RCAN1: variants seen among roughly 807,000 people sequenced by gnomAD.
The protein encoded by RCAN1 is regulator of calcineurin 1.
In RCAN1, 11 loss-of-function variants were observed where a neutral mutation model predicts 22.9. The ratio of observed to expected loss-of-function variants is 0.48; its 90% confidence interval spans 0.30 to 0.79. The LOEUF is 0.79. Ranked by LOEUF, RCAN1 falls within the 30% of genes least tolerant of loss-of-function variation. The pLI, the probability that RCAN1 is intolerant of heterozygous loss-of-function variation, is 0.06. For synonymous variants in RCAN1, 136 were observed against 142.3 expected (o/e 0.96, Z 0.32); for missense variants, 291 against 337.8 (o/e 0.86, Z 1.09).
chr21:34,578,995 A>G (rs560043447), intron 1 of RCAN1, among the ~76,000 whole-genome samples: 5 of 152,104 alleles, frequency 3.3e-5, no homozygotes, highest in Non-Finnish European at 7.4e-5. Flanking sequence ...ACAAACAAAA[A>G]CAAGCCAACA....
chr21:34,561,308 G>A (rs1045304263), intron 1 of RCAN1, among the ~76,000 whole-genome samples: 1 of 152,094 alleles, frequency 6.6e-6, no homozygotes, highest in Non-Finnish European at 1.5e-5. Flanking sequence ...GTAAATACGG[G>A]ATAAAAGTTC....
At chr21:34,520,857 G>A (rs574669205) in intron 3 of RCAN1, among the ~76,000 whole-genome samples, 4 of 152,262 alleles carry the variant, frequency 2.6e-5, no homozygotes, top group Admixed American at 2.6e-4. Flanking sequence ...ACCAGTTAAG[G>A]CCCACATTTT....
At chr21:34,581,566 C>T (rs776109623) in intron 1 of RCAN1, among the ~76,000 whole-genome samples, 1 of 152,122 alleles carries the variant, frequency 6.6e-6, no homozygotes, top group African/African-American at 2.4e-5. Flanking sequence ...CCCTGCTCCA[C>T]GTCTCTGGTT....
chr21:34,524,982 G>T, intron 1 of RCAN1: 2 of 1,496,602 alleles, frequency 1.3e-6, no homozygotes, highest in Non-Finnish European at 1.8e-6. Flanking sequence ...AAAACACTTA[G>T]GACAGTTTGT....
At chr21:34,555,151 T>C (rs1250370837) in intron 1 of RCAN1, among the ~76,000 whole-genome samples, 1 of 152,166 alleles carries the variant, frequency 6.6e-6, no homozygotes, top group African/African-American at 2.4e-5. Flanking sequence ...ACAGTTTCAC[T>C]GGGGACCTAT....
intron 1 of RCAN1, among the ~76,000 whole-genome samples, chr21:34,535,379 G>A (rs1164633278): frequency 6.0e-5 from 9 of 150,706 alleles, no homozygotes; most frequent in Admixed American, 6.6e-5. Flanking sequence ...ACAGGGAAGT[G>A]GTATAAAGCA....
In RCAN1 at chr21:34,614,591, C is replaced by A. The variant is rs968621257; in HGVS notation, c.252+169G>T. 5.0e-6 allele frequency: 5 copies of A among 1,002,150 alleles called. No individual in the cohort carries two copies. The highest frequency in any genetic ancestry group is 6.1e-6 in the Non-Finnish European group (5 of 813,254). 62.1% of individuals were successfully genotyped at this position (1,002,150 alleles called of 1,614,324 possible). On this transcript the variant is annotated intron_variant, in intron 1 of 3. Coordinates refer to ENST00000313806, the MANE Select transcript of RCAN1 (RefSeq NM_004414.7). This position sits in a 1 kb window ranked among gnomAD's most constrained non-coding sequence, Gnocchi z 6.0. Reference sequence around the variant, plus strand: ...TGCTAGGGGACCGGGACCCTCGGGGCGCCGTCCCCACGCCCCAGCCCTGAC... The same window carrying A: ...TGCTAGGGGACCGGGACCCTCGGGGAGCCGTCCCCACGCCCCAGCCCTGAC...
At chr21:34,558,188 C>T (rs1208415851) in intron 1 of RCAN1, among the ~76,000 whole-genome samples, 1 of 152,178 alleles carries the variant, frequency 6.6e-6, no homozygotes, top group Admixed American at 6.5e-5. Flanking sequence ...TTCTCCCTCT[C>T]GAACTCCGAG....
chr21:34,519,397 C>CTTTTTTTTTTTT (rs34152667), intron 3 of RCAN1, among the ~76,000 whole-genome samples: 20 of 102,782 alleles, frequency 1.9e-4, no homozygotes, highest in African/African-American at 3.0e-4. Flanking sequence ...TTCTTTCTTT[C>CTTTTTTTTTTTT]TTTTTTTTTT....
intron 1 of RCAN1, among the ~76,000 whole-genome samples, chr21:34,575,040 G>C (rs917846710): frequency 1.3e-5 from 2 of 152,214 alleles, no homozygotes; most frequent in East Asian, 1.9e-4. Context: ...AGAAGAAATG[G>C]GAGGAAACTC....
At chr21:34,525,087 C>T (rs1359469039) in intron 1 of RCAN1, 4 of 1,550,338 alleles carry the variant, frequency 2.6e-6, no homozygotes, top group Admixed American at 3.9e-5. Flanking sequence ...TCACTGAGGA[C>T]CTTGGAGAAC....
At position 34,530,824 on chromosome 21, in the gene RCAN1, C is replaced by T. The variant is rs2123602430; in HGVS notation, c.253-7114G>A. 3.3e-5 allele frequency among the ~76,000 whole-genome samples: 5 copies of T among 152,068 alleles called. 1 individual carries two copies. ...ATTTTTAGTAGAGATGGGGTTTCAC[C>T]ATGTTGGTCAGGCTGGTCTCAAACT... On this transcript the variant is annotated intron_variant, in intron 1 of 3. Transcript: ENST00000313806.
At chr21:34,596,529 T>C (rs1010451248) in intron 1 of RCAN1, among the ~76,000 whole-genome samples, 1 of 152,124 alleles carries the variant, frequency 6.6e-6, no homozygotes, top group Admixed American at 6.5e-5. Flanking sequence ...TCTCGAAGGC[T>C]CTGCTTTCTA....
rs1216800492 is a variant in RCAN1 at position 34,614,564 on chromosome 21, G to A, written c.252+196C>T. ...TGCAGTGAGCTCCGCGCGCCCCGGG[G>A]GTGCTAGGGGACCGGGACCCTCGGG... On this transcript the variant is annotated intron_variant, in intron 1 of 3. Transcript: ENST00000313806. This position sits in a 1 kb window ranked among gnomAD's most constrained non-coding sequence, Gnocchi z 6.0. 3.0e-6 allele frequency: 3 copies of A among 993,350 alleles called. No individual in the cohort carries two copies. Among genetic ancestry groups the A allele is most frequent in the Non-Finnish European group, 3.7e-6 (3 of 810,916 alleles). 61.5% of individuals were successfully genotyped at this position (993,350 alleles called of 1,614,324 possible).
intron 1 of RCAN1, among the ~76,000 whole-genome samples, chr21:34,534,391 A>T (rs60084578): frequency 0.24 from 36,378 of 151,602 alleles, 5,056 homozygotes; most frequent in African/African-American, 0.38. Flanking sequence ...GTTCTTTCCC[A>T]CCTGTAACCT....
At chr21:34,533,015 C>A (rs1341439211) in intron 1 of RCAN1, among the ~76,000 whole-genome samples, 2 of 150,148 alleles carry the variant, frequency 1.3e-5, no homozygotes, top group South Asian at 2.1e-4. Flanking sequence ...GGCTGGAGTG[C>A]AGTGGCACTA....
At chr21:34,563,051 C>T (rs1447087092) in intron 1 of RCAN1, among the ~76,000 whole-genome samples, 1 of 152,190 alleles carries the variant, frequency 6.6e-6, no homozygotes, top group Non-Finnish European at 1.5e-5. Context: ...TCCACACGCA[C>T]ACCATTGCCA....
chr21:34,594,043 A>C (rs1383527946), intron 1 of RCAN1, among the ~76,000 whole-genome samples: 6 of 152,240 alleles, frequency 3.9e-5, no homozygotes, highest in Non-Finnish European at 7.3e-5. Flanking sequence ...GAAAGGGGAC[A>C]AAAATGTTAC....
intron 1 of RCAN1, among the ~76,000 whole-genome samples, chr21:34,527,696 T>C (rs1204818037): frequency 6.6e-6 from 1 of 152,216 alleles, no homozygotes. Flanking sequence ...AACCCATTTA[T>C]GCCAGAGGTT....
Sources: allele counts gnomAD v4.1 joint callset (sites outside exome capture counted in the v4.1 genomes callset), GRCh38; gene constraint gnomAD v4.1.1; non-coding constraint Gnocchi (gnomAD v3.1); transcripts MANE v1.5; gene names NCBI Gene and HGNC (gene_info 2026-07-23, HGNC 2026-07-21).